Variants in TBCD observed in about 807,000 individuals in gnomAD.
TBCD encodes tubulin-specific chaperone D.
TBCD carries 105 observed loss-of-function variants against 169.3 expected under a neutral mutation model. The observed-to-expected ratio is 0.62, with a 90% confidence interval of 0.53 to 0.73. The LOEUF is 0.73. Ranked by LOEUF, TBCD falls within the 30% of genes least tolerant of loss-of-function variation. The pLI is 0.00. For missense variants in TBCD, 1,444 were observed against 1,600.1 expected, an observed-to-expected ratio of 0.90 and a Z score of 1.66; for synonymous variants, 700 against 643.9, an observed-to-expected ratio of 1.09 and a Z score of -1.32.
At chr17:82,873,996 G>A (rs1221340560) in intron 14 of TBCD, among the ~76,000 whole-genome samples, 1 of 152,188 alleles carries the variant, frequency 6.6e-6, no homozygotes, top group Non-Finnish European at 1.5e-5. Context: ...GCCTCCTGTT[G>A]GCCCCGTGAG....
At position 82,907,671 on chromosome 17, in the gene TBCD, C is replaced by G. The variant is rs2060345910; in HGVS notation, c.1923-90C>G. 8 of 1,436,644 alleles carry G rather than the reference C, an allele frequency of 5.6e-6. No homozygotes were observed. The South Asian group carries it at 6.0e-5, about 11-fold the overall frequency. The allele number at this position is 1,436,644 out of a possible 1,614,324, so 89.0% of individuals were successfully genotyped here. The stretch of plus-strand genomic sequence containing the variant: ...CTCCGAGTGTACTTGGGGTTAGGGT[C>G]TTGGGGAGTGTGGCCTCAGCTCCTC... On this transcript the variant is annotated intron_variant, in intron 20 of 38. Coordinates refer to ENST00000355528, the MANE Select transcript of TBCD (RefSeq NM_005993.5).
intron 13 of TBCD, among the ~76,000 whole-genome samples, chr17:82,853,052 A>G (rs2055934959): frequency 6.6e-6 from 1 of 151,704 alleles, no homozygotes; most frequent in South Asian, 2.1e-4. Flanking sequence ...GAATGTGGCT[A>G]CTCAGCTTTC....
intron 7 of TBCD, among the ~76,000 whole-genome samples, chr17:82,797,443 A>G (rs2050180245): frequency 6.6e-6 from 1 of 152,212 alleles, no homozygotes; most frequent in African/African-American, 2.4e-5. Context: ...TTTCCAGGCT[A>G]GTAGTGCCCT....
At chr17:82,897,185 C>T (rs1360443265) in intron 17 of TBCD, among the ~76,000 whole-genome samples, 1 of 152,092 alleles carries the variant, frequency 6.6e-6, no homozygotes, top group Non-Finnish European at 1.5e-5. Context: ...CTTTCCCTTT[C>T]AGTATCCTGT....
intron 13 of TBCD, among the ~76,000 whole-genome samples, chr17:82,842,101 C>G (rs752133723): frequency 2.6e-5 from 4 of 152,280 alleles, no homozygotes; most frequent in Admixed American, 2.0e-4. Context: ...AGGGCTCCAC[C>G]TCTCAGCGGC....
At chr17:82,774,324 CT>C (rs1233227831) in intron 6 of TBCD, among the ~76,000 whole-genome samples, 2 of 152,152 alleles carry the variant, frequency 1.3e-5, no homozygotes, top group Non-Finnish European at 2.9e-5. Flanking sequence ...CCATTTACCC[CT>C]GAGTGGACAC....
chr17:82,758,167 T>A (rs2047507463), intron 2 of TBCD, among the ~76,000 whole-genome samples: 1 of 151,670 alleles, frequency 6.6e-6, no homozygotes, highest in South Asian at 2.1e-4. Flanking sequence ...GGCGGGTGGA[T>A]CACCTGAGGT....
Position 82,922,356 on chromosome 17 carries a change from T to G in TBCD, c.2178+779T>G, listed in dbSNP as rs1387704686. Among the ~76,000 whole-genome samples, 1 of 150,910 alleles carries G rather than the reference T, an allele frequency of 6.6e-6. No homozygotes were observed. Among genetic ancestry groups the G allele is most frequent in the African/African-American group, 2.5e-5 (1 of 40,624 alleles). ...AGCCTGGGTGACAAGAGCAAGACCCTGCCTCAAAAACAAAAACAAAAACAA... is the reference window on the plus strand; with the variant it reads ...AGCCTGGGTGACAAGAGCAAGACCCGGCCTCAAAAACAAAAACAAAAACAA... On this transcript the variant is annotated intron_variant, in intron 25 of 38. Transcript: ENST00000355528. This position sits in a 1 kb window ranked among gnomAD's most constrained non-coding sequence, Gnocchi z 4.1.
intron 12 of TBCD, among the ~76,000 whole-genome samples, chr17:82,810,741 C>T (rs145798295): frequency 1.1e-4 from 16 of 152,328 alleles, no homozygotes; most frequent in East Asian, 9.7e-4. Flanking sequence ...CTCAGGACCC[C>T]GGGCGTGCTG....
At chr17:82,774,834 C>G (rs1351259456) in intron 6 of TBCD, among the ~76,000 whole-genome samples, 2 of 152,242 alleles carry the variant, frequency 1.3e-5, no homozygotes, top group African/African-American at 2.4e-5. Flanking sequence ...AAGTGGAACG[C>G]ACGTTTTCAG....
rs563301896 is a variant in TBCD, at chr17:82,915,431, C to A, written c.2038+3642C>A. Among the ~76,000 whole-genome samples, 2 of 152,230 alleles carry A rather than the reference C, an allele frequency of 1.3e-5. No individual in the cohort carries two copies. The highest frequency in any genetic ancestry group is 3.9e-4 in the East Asian group (2 of 5,168). On this transcript the variant is annotated intron_variant, in intron 23 of 38. Coordinates refer to ENST00000355528, the MANE Select transcript of TBCD (RefSeq NM_005993.5). The surrounding 1 kb of genome is among the most constrained non-coding windows in gnomAD (Gnocchi z 4.3). ...AGATGAACATCCTGGATGTCCTCAG[C>A]GTGGCCTGAACTGAGCTGCTTCCCC... is the stretch of plus-strand genomic sequence containing the variant.
intron 1 of TBCD, among the ~76,000 whole-genome samples, chr17:82,752,741 C>A (rs1474184088): frequency 6.6e-6 from 1 of 152,190 alleles, no homozygotes; most frequent in Non-Finnish European, 1.5e-5. Context: ...GGGCCAGACC[C>A]CTCCGGACAG....
chr17:82,774,413 A>G (rs1262742502), intron 6 of TBCD, among the ~76,000 whole-genome samples: 5 of 152,250 alleles, frequency 3.3e-5, no homozygotes, highest in Non-Finnish European at 4.4e-5. Flanking sequence ...AATTTTTCTT[A>G]GTACAGAACA....
At chr17:82,800,455 C>T (rs1173015317) in intron 8 of TBCD, among the ~76,000 whole-genome samples, 2 of 151,768 alleles carry the variant, frequency 1.3e-5, no homozygotes, top group Non-Finnish European at 2.9e-5. Context: ...TCCATGGCTT[C>T]TGGGGTTGCT....
At position 82,831,618 on chromosome 17, in the gene TBCD, T is replaced by C. The variant is rs779034115; in HGVS notation, c.1318+16684T>C. The C allele has an allele frequency of 6.2e-7, 1 of 1,614,110 alleles. No individual in the cohort carries two copies. Among genetic ancestry groups the C allele is most frequent in the Non-Finnish European group, 8.5e-7 (1 of 1,180,010 alleles). On this transcript the variant is annotated intron_variant, in intron 13 of 38. Coordinates refer to ENST00000355528, the MANE Select transcript of TBCD (RefSeq NM_005993.5). This position sits in a 1 kb window ranked among gnomAD's most constrained non-coding sequence, Gnocchi z 4.6. Reference sequence around the variant, plus strand: ...GGTGAGGCAGGAAGTGTCTCGGGTCTTGGGTTCCGTAGACTGACAGCAGGG... The same window carrying C: ...GGTGAGGCAGGAAGTGTCTCGGGTCCTGGGTTCCGTAGACTGACAGCAGGG...
intron 13 of TBCD, among the ~76,000 whole-genome samples, chr17:82,840,983 T>TG (rs2054470353): frequency 8.3e-6 from 1 of 120,758 alleles, no homozygotes; most frequent in Non-Finnish European, 1.7e-5. Flanking sequence ...TTTTTTTTTT[T>TG]GAGACAGAGT....
chr17:82,821,660 C>G (rs1250020547), intron 13 of TBCD, among the ~76,000 whole-genome samples: 1 of 152,142 alleles, frequency 6.6e-6, no homozygotes, highest in Non-Finnish European at 1.5e-5. Context: ...GTCTGTCACC[C>G]CATGTCTTAT....
intron 14 of TBCD, among the ~76,000 whole-genome samples, chr17:82,883,690 A>G (rs988421364): frequency 3.9e-5 from 6 of 152,166 alleles, no homozygotes; most frequent in Non-Finnish European, 7.4e-5. Flanking sequence ...CAGGACCTGG[A>G]CAGCCCCTGC....
At chr17:82,830,004 T>G in intron 13 of TBCD, 5 of 1,349,722 alleles carry the variant, frequency 3.7e-6, no homozygotes, top group East Asian at 2.4e-5. Flanking sequence ...TTTTTGTTTG[T>G]TTGTTTGTTT....
Sources: allele counts gnomAD v4.1 joint callset (sites outside exome capture counted in the v4.1 genomes callset), GRCh38; gene constraint gnomAD v4.1.1; non-coding constraint Gnocchi (gnomAD v3.1); transcripts MANE v1.5; gene names NCBI Gene and HGNC (gene_info 2026-07-23, HGNC 2026-07-21).